Variants in LSM4 observed in about 807,000 individuals in gnomAD.
LSM4 encodes the protein U6 snRNA-associated Sm-like protein LSm4.
A neutral mutation model predicts 22.3 loss-of-function variants in LSM4; 15 were observed. The ratio of observed to expected loss-of-function variants is 0.67; its 90% CI spans 0.45 to 1.03. LSM4 has a LOEUF of 1.03. Ranked by LOEUF, LSM4 falls within the 50% of genes least tolerant of loss-of-function variation. The pLI, the probability that LSM4 is intolerant of heterozygous loss-of-function variation, is 0.00. For missense variants in LSM4, 127 were observed against 198.0 expected (o/e 0.64, Z 2.15); for synonymous variants, 90 against 79.8 (o/e 1.13, Z -0.68).
At chr19:18,315,836 T>G (rs920900606) in intron 2 of LSM4, among the ~76,000 whole-genome samples, 188 bp downstream of exon 2, 2 of 152,038 alleles carry the variant, frequency 1.3e-5, no homozygotes, top group African/African-American at 2.4e-5. Context: ...AAATTTTTAG[T>G]AAGTATGTAT....
In LSM4 at chr19:18,306,365, G is replaced by A. The variant is rs1466808869; in HGVS notation, c.*1099C>T. On this transcript the variant is annotated 3_prime_UTR_variant, in exon 5 of 5. Coordinates refer to ENST00000593829, the MANE Select transcript of LSM4 (RefSeq NM_012321.5). ...CAGGGCTTCCCTCTGGTTTCTTCAC[G>A]GTCCACAGATGCTACCCGGAGCCTT... is the stretch of plus-strand genomic sequence containing the variant. 6.6e-6 allele frequency: 1 copy of A among 152,132 alleles called. No individual in the cohort carries two copies. The highest frequency in any genetic ancestry group is 1.5e-5 in the Non-Finnish European group (1 of 68,034). The allele number at this position is 152,132 out of a possible 1,614,324, so 9.4% of individuals were successfully genotyped here. A position where few individuals can be genotyped will look rare whatever the true frequency, so the allele number is the denominator to read the frequency against.
chr19:18,321,845 C>G (rs75565099), intron 1 of LSM4, among the ~76,000 whole-genome samples: 1,994 of 152,220 alleles, frequency 0.013, 41 homozygotes, highest in African/African-American at 0.044. Flanking sequence ...CTTCAACACT[C>G]CCGTCGATGA....
chr19:18,309,523 G>C (rs1430661812), intron 4 of LSM4, 155 bp downstream of exon 4: 3 of 764,214 alleles, frequency 3.9e-6, no homozygotes, highest in Non-Finnish European at 6.0e-6. Context: ...GGGCTCCTCT[G>C]CCTGGGCCTC....
chr19:18,309,309 G>A (rs777643081), intron 4 of LSM4: 1 of 240,468 alleles, frequency 4.2e-6, no homozygotes. Context: ...GGAATTTTAT[G>A]CCAATTCATC....
Position 18,312,626 on chromosome 19 carries a change from C to T in LSM4, c.122G>A (p.Arg41Gln), listed in dbSNP as rs1970310497. ...CACCCTGGACGTGCAGATGACTTCT[C>T]GCAGGTTAATGTTCATCCAGTTGTC... Reference protein sequence around the residue: ...SCDNWMNINLREVICTSRDGD... With the variant: ...SCDNWMNINLQEVICTSRDGD... The change falls in exon 3 of 5, where the codon CGA becomes CAA. Residue 41 changes from arginine (R) to glutamine (Q), a missense_variant. Arg to Gln is a conservative substitution (Grantham distance 43, BLOSUM62 1). Transcript: ENST00000593829. The T allele has an allele frequency of 6.2e-7, 1 of 1,613,650 alleles. No homozygotes were observed. Among genetic ancestry groups the T allele is most frequent in the Non-Finnish European group, 8.5e-7 (1 of 1,179,700 alleles).
intron 1 of LSM4, among the ~76,000 whole-genome samples, chr19:18,321,398 A>T (rs1970423171): frequency 6.6e-6 from 1 of 152,182 alleles, no homozygotes; most frequent in Admixed American, 6.5e-5. Flanking sequence ...AAATTATGAC[A>T]GTGAAAAGAG....
chr19:18,308,643 A>C (rs1970260184), intron 4 of LSM4, among the ~76,000 whole-genome samples: 2 of 152,186 alleles, frequency 1.3e-5, no homozygotes, highest in Admixed American at 1.3e-4. Flanking sequence ...TGACCCCAAC[A>C]GGAACTGGAA....
chr19:18,322,741 C>G (rs1256125947), intron 1 of LSM4, among the ~76,000 whole-genome samples: 1 of 150,182 alleles, frequency 6.7e-6, no homozygotes, highest in Non-Finnish European at 1.5e-5. Flanking sequence ...TTTTTTTTTA[C>G]TTCAGTTTCC....
intron 2 of LSM4, among the ~76,000 whole-genome samples, 157 bp downstream of exon 2, chr19:18,315,867 A>G (rs1970349219): frequency 6.6e-6 from 1 of 152,036 alleles, no homozygotes. Flanking sequence ...TACAAGCAGC[A>G]GAAATGACAG....
chr19:18,311,778 A>C (rs1420826113), intron 3 of LSM4, among the ~76,000 whole-genome samples: 1 of 152,150 alleles, frequency 6.6e-6, no homozygotes, highest in Non-Finnish European at 1.5e-5. Flanking sequence ...TGTGCTGATG[A>C]GAGGCCCAGT....
At chr19:18,307,984 G>GC (rs1970251274) in intron 4 of LSM4, among the ~76,000 whole-genome samples, 1 of 152,040 alleles carries the variant, frequency 6.6e-6, no homozygotes, top group South Asian at 2.1e-4. Flanking sequence ...ACCACCCACA[G>GC]CCCCTCATCT....
rs917902185 is a variant in LSM4 at position 18,309,468 on chromosome 19, A to C, written c.328+210T>G. The C allele has an allele frequency of 5.3e-6, 3 of 570,516 alleles. No individual in the cohort carries two copies. In the African/African-American group the frequency reaches 5.7e-5, roughly 11 times the overall value. 35.3% of individuals were successfully genotyped at this position (570,516 alleles called of 1,614,324 possible). ...GGAGGTGACTTGATGTGCCCTGAGG[A>C]CCGCCAGGAGGCGCAGTGAGAGGAG... On this transcript the variant is annotated intron_variant, in intron 4 of 4. Transcript: ENST00000593829.
chr19:18,316,019 C>T lies in LSM4; in HGVS notation c.45+5G>A, dbSNP rs760162322. The T allele has an allele frequency of 6.2e-7, 1 of 1,613,246 alleles. No individual in the cohort carries two copies. The highest frequency in any genetic ancestry group is 1.1e-5 in the South Asian group (1 of 91,014). On this transcript the variant is annotated splice_donor_5th_base_variant and intron_variant, in intron 2 of 4. Transcript: ENST00000593829. ...ACAGGCTTTCCCAGACCACTGAGTA[C>T]TCACCATGGGGTGATTCTGAGCCGT...
At chr19:18,322,989 G>T in intron 1 of LSM4, 29 bp downstream of exon 1, 3 of 1,592,338 alleles carry the variant, frequency 1.9e-6, no homozygotes, top group East Asian at 4.6e-5. Flanking sequence ...CCGCCTCCCG[G>T]TGAGACCCCG....
At chr19:18,312,353 T>C (rs564313090) in intron 3 of LSM4, 9 of 461,986 alleles carry the variant, frequency 1.9e-5, no homozygotes, top group African/African-American at 1.8e-4. Flanking sequence ...CAGTCCTAGG[T>C]CCTTCCAGGT....
chr19:18,307,492 T>C lies in LSM4; in HGVS notation c.392A>G (p.Lys131Arg). ...CTGTTTGCCCGCCTGTCTGCCAGGC[T>C]TCTTCTCTGGCTGGCCTCTGCCTGT... ...PGTGRGQPEK[K>R]PGRQAGKQ Residue 131 changes from lysine to arginine, a missense_variant, in exon 5 of 5, where the codon AAG (lysine) becomes AGG (arginine). By Grantham distance (26) the Lys-to-Arg change is conservative. Coordinates refer to ENST00000593829, the MANE Select transcript of LSM4 (RefSeq NM_012321.5). The C allele has an allele frequency of 6.4e-7, 1 of 1,555,500 alleles. No individual in the cohort carries two copies.
chr19:18,307,452 CT>C lies in LSM4; in HGVS notation c.*11del, dbSNP rs1273569442. On this transcript the variant is annotated 3_prime_UTR_variant, in exon 5 of 5. Coordinates refer to ENST00000593829, the MANE Select transcript of LSM4 (RefSeq NM_012321.5). ...GGCAGGAGGGGGCGCAGCAGCCGGT[CT>C]GGGTGGGCGCTCACTGTTTGCCCGC... 6.6e-7 allele frequency: 1 copy of C among 1,519,032 alleles called. No individual in the cohort carries two copies. The highest frequency in any genetic ancestry group is 2.6e-5 in the East Asian group (1 of 38,930). The allele number at this position is 1,519,032 out of a possible 1,614,324, so 94.1% of individuals were successfully genotyped here. A position where few individuals can be genotyped will look rare whatever the true frequency, so the allele number is the denominator to read the frequency against.
Position 18,306,348 on chromosome 19 carries a change from C to T in LSM4, c.*1116G>A, listed in dbSNP as rs1472383802. 1 of 152,202 alleles carries T rather than the reference C, an allele frequency of 6.6e-6. No individual in the cohort carries two copies. The highest frequency in any genetic ancestry group is 6.5e-5 in the Admixed American group (1 of 15,278). 9.4% of individuals were successfully genotyped at this position (152,202 alleles called of 1,614,324 possible). A position where few individuals can be genotyped will look rare whatever the true frequency, so the allele number is the denominator to read the frequency against. The stretch of plus-strand genomic sequence containing the variant: ...CGGGCCGCTGCCTGGCTCAGGGCTT[C>T]CCTCTGGTTTCTTCACGGTCCACAG... On this transcript the variant is annotated 3_prime_UTR_variant, in exon 5 of 5. Coordinates refer to ENST00000593829, the MANE Select transcript of LSM4 (RefSeq NM_012321.5).
Position 18,307,349 on chromosome 19 carries a change from G to T in LSM4, c.*115C>A. On this transcript the variant is annotated 3_prime_UTR_variant, in exon 5 of 5. Coordinates refer to ENST00000593829, the MANE Select transcript of LSM4 (RefSeq NM_012321.5). ...CCTAAAAGGGAGGGTCACAAAACAC[G>T]AAGGGGGTTCCCCCTGGCGCCTGCC... 1 of 804,808 alleles carries T rather than the reference G, an allele frequency of 1.2e-6. No individual in the cohort carries two copies. Among genetic ancestry groups the T allele is most frequent in the Non-Finnish European group, 1.7e-6 (1 of 577,918 alleles). The allele number at this position is 804,808 out of a possible 1,614,324, so 49.9% of individuals were successfully genotyped here.
Sources: allele counts gnomAD v4.1 joint callset (sites outside exome capture counted in the v4.1 genomes callset), GRCh38; gene constraint gnomAD v4.1.1; transcripts MANE v1.5; gene names NCBI Gene and HGNC (gene_info 2026-07-23, HGNC 2026-07-21).